ZNF407: variants seen among roughly 807,000 people sequenced by gnomAD.
The protein encoded by ZNF407 is zinc finger protein 407.
In ZNF407, 17 loss-of-function variants were observed where a neutral mutation model predicts 131.2. That is an observed-to-expected ratio of 0.13 (90% CI 0.09 to 0.19). The LOEUF is 0.19. ZNF407 is among the 10% of genes least tolerant of loss of function. ZNF407 has a pLI of 1.00. For synonymous variants in ZNF407, 1,156 were observed against 1,062.0 expected (o/e 1.09, Z -1.72); for missense variants, 2,681 against 2,830.6 (o/e 0.95, Z 1.20).
intron 8 of ZNF407, among the ~76,000 whole-genome samples, chr18:75,019,852 G>C (rs1973086620): frequency 6.6e-6 from 1 of 152,040 alleles, no homozygotes; most frequent in African/African-American, 2.4e-5. Flanking sequence ...AGGGGGAGGT[G>C]ATACACACTT....
intron 3 of ZNF407, among the ~76,000 whole-genome samples, chr18:74,755,582 G>GGTTTTTTTTTTTTTTTT (rs1968917546): frequency 1.1e-5 from 1 of 87,360 alleles, no homozygotes; most frequent in African/African-American, 5.7e-5. Context: ...CTCCTTTCTG[G>GGTTTTTTTTTTTTTTTT]TTTTTTTTTT....
chr18:74,656,269 T>G (rs778816711), intron 3 of ZNF407, among the ~76,000 whole-genome samples: 4 of 152,140 alleles, frequency 2.6e-5, no homozygotes, highest in Non-Finnish European at 5.9e-5. Flanking sequence ...ACTGATTTAT[T>G]TTTCTAAGAC....
intron 1 of ZNF407, among the ~76,000 whole-genome samples, chr18:74,623,202 CTG>C (rs538214406): frequency 2.0e-4 from 30 of 147,360 alleles, no homozygotes; most frequent in African/African-American, 5.7e-4. Context: ...GTCTGTATGT[CTG>C]TGAATATGTG....
At chr18:74,792,014 C>T (rs1376974648) in intron 4 of ZNF407, among the ~76,000 whole-genome samples, 10 of 152,156 alleles carry the variant, frequency 6.6e-5, no homozygotes, top group South Asian at 4.1e-4. Context: ...TGCCACTTAC[C>T]GAGTCACCCT....
intron 8 of ZNF407, among the ~76,000 whole-genome samples, chr18:74,959,146 C>T (rs1245286670): frequency 6.6e-6 from 1 of 152,200 alleles, no homozygotes; most frequent in Non-Finnish European, 1.5e-5. Context: ...AGTCTTAAGA[C>T]ACAGTGTTTA....
chr18:74,989,419 A>G (rs1006358894), intron 8 of ZNF407, among the ~76,000 whole-genome samples: 1 of 152,264 alleles, frequency 6.6e-6, no homozygotes, highest in Admixed American at 6.5e-5. Flanking sequence ...ACAATGTGCA[A>G]GCTACATGGG....
chr18:74,728,916 G>T (rs572980869), intron 3 of ZNF407, among the ~76,000 whole-genome samples: 2 of 152,120 alleles, frequency 1.3e-5, no homozygotes, highest in Non-Finnish European at 2.9e-5. Flanking sequence ...TGAGTGGTAC[G>T]GTTGTTTTTA....
At chr18:74,903,861 G>C (rs1568262895) in intron 7 of ZNF407, among the ~76,000 whole-genome samples, 1 of 152,160 alleles carries the variant, frequency 6.6e-6, no homozygotes, top group East Asian at 1.9e-4. Flanking sequence ...AATACTGCTT[G>C]ATGCTCAGAA....
At chr18:74,904,678 C>A (rs142670123) in intron 7 of ZNF407, among the ~76,000 whole-genome samples, 9 of 152,186 alleles carry the variant, frequency 5.9e-5, no homozygotes, top group African/African-American at 1.9e-4. Flanking sequence ...AAAGTCGGTG[C>A]CGCTTCTTAT....
intron 4 of ZNF407, among the ~76,000 whole-genome samples, chr18:74,787,072 G>A (rs1016900051): frequency 4.6e-5 from 7 of 152,014 alleles, no homozygotes; most frequent in Non-Finnish European, 1.0e-4. Flanking sequence ...CACCCAAAGT[G>A]CAGGGATTAC....
Position 74,835,629 on chromosome 18 carries a change from G to GGGGGT in ZNF407, c.4878-41567_4878-41566insGGGTG, listed in dbSNP as rs1269272236. On this transcript the variant is annotated intron_variant, in intron 4 of 8. Transcript: ENST00000299687. ...TGAGTTTGTGTCTTGGACAGAGGGG[G>GGGGGT]GTGTGTGTGTGTGTGTGTGTGTGTG... is the stretch of plus-strand genomic sequence containing the variant. Among the ~76,000 whole-genome samples, 3 of 92,200 alleles carry GGGGGT rather than the reference G, an allele frequency of 3.3e-5. No individual in the cohort carries two copies. In the East Asian group the frequency reaches 1.0e-3, roughly 31 times the overall value. The allele number at this position is 92,200 out of a possible 152,430, so 60.5% of individuals were successfully genotyped here. A position where few individuals can be genotyped will look rare whatever the true frequency, so the allele number is the denominator to read the frequency against.
At chr18:74,663,507 C>G (rs1376357072) in intron 3 of ZNF407, among the ~76,000 whole-genome samples, 2 of 152,134 alleles carry the variant, frequency 1.3e-5, no homozygotes, top group Non-Finnish European at 2.9e-5. Context: ...TATTTCAACT[C>G]AGAACATCAA....
At chr18:74,937,787 T>C (rs969943046) in intron 8 of ZNF407, among the ~76,000 whole-genome samples, 1 of 152,210 alleles carries the variant, frequency 6.6e-6, no homozygotes, top group Non-Finnish European at 1.5e-5. Flanking sequence ...AGGCAGGGGA[T>C]CAATTAGATC....
chr18:75,063,995 G>T lies in ZNF407; in HGVS notation c.6274G>T (p.Ala2092Ser), dbSNP rs1973676682. The T allele has an allele frequency of 6.2e-7, 1 of 1,611,290 alleles. No homozygotes were observed. Among genetic ancestry groups the T allele is most frequent in the Admixed American group, 1.7e-5 (1 of 59,686 alleles). The stretch of plus-strand genomic sequence containing the variant: ...CCTCCAGTTTGCTGTGTGTGACACG[G>T]CCGCGGCCGGCCAGTTGGTCAAGGA... ...GVLQFAVCDT[A>S]AAGQLVKDGV... The change falls in exon 9 of 9, where the codon GCC becomes TCC. Residue 2092 changes from alanine (A) to serine (S), a missense_variant. Ala to Ser is a moderately conservative substitution (Grantham distance 99). Transcript: ENST00000299687. This position sits in a 1 kb window ranked among gnomAD's most constrained non-coding sequence, Gnocchi z 6.6.
chr18:74,662,192 T>C lies in ZNF407; in HGVS notation c.4802+21070T>C, dbSNP rs569165496. ...TTCTGTTTGCTGCATGCTTCTCACATACGATTTTGTTGTTGTTAATGAATA... is the reference window on the plus strand; with the variant it reads ...TTCTGTTTGCTGCATGCTTCTCACACACGATTTTGTTGTTGTTAATGAATA... On this transcript the variant is annotated intron_variant, in intron 3 of 8. Coordinates refer to ENST00000299687, the MANE Select transcript of ZNF407 (RefSeq NM_017757.3). Among the ~76,000 whole-genome samples the C allele has an allele frequency of 1.9e-4, 29 of 152,310 alleles. No homozygotes were observed. In the East Asian group the frequency reaches 5.6e-3, roughly 29 times the overall value.
chr18:74,738,857 A>C (rs185422245), intron 3 of ZNF407, among the ~76,000 whole-genome samples: 136 of 152,342 alleles, frequency 8.9e-4, no homozygotes, highest in African/African-American at 3.0e-3. Flanking sequence ...AACCATTTTC[A>C]TATGTATCAT....
At chr18:74,877,648 T>C (rs1473295244) in intron 5 of ZNF407, among the ~76,000 whole-genome samples, 1 of 152,254 alleles carries the variant, frequency 6.6e-6, no homozygotes, top group Non-Finnish European at 1.5e-5. Context: ...TATATATATT[T>C]GTATGTGTTT....
At position 74,704,169 on chromosome 18, in the gene ZNF407, G is replaced by A. The variant is rs138271267; in HGVS notation, c.4802+63047G>A. Reference sequence around the variant, plus strand: ...TGTCAGCACTTCTGATTTTGTAAATGATGAAGCTCATCAGCTCCATTCCTC... The same window carrying A: ...TGTCAGCACTTCTGATTTTGTAAATAATGAAGCTCATCAGCTCCATTCCTC... On this transcript the variant is annotated intron_variant, in intron 3 of 8. Transcript: ENST00000299687. 7.6e-4 allele frequency among the ~76,000 whole-genome samples: 115 copies of A among 152,296 alleles called. 1 individual carries two copies. The East Asian group carries it at 0.017, about 23-fold the overall frequency.
chr18:74,684,908 C>A (rs1967062977), intron 3 of ZNF407, among the ~76,000 whole-genome samples: 1 of 151,988 alleles, frequency 6.6e-6, no homozygotes, highest in Non-Finnish European at 1.5e-5. Flanking sequence ...TGACTATAAA[C>A]CTACACTTTC....
Sources: gnomAD v4.1 joint callset for allele counts (sites outside exome capture counted in the v4.1 genomes callset) on GRCh38, gnomAD v4.1.1 for gene constraint, Gnocchi (gnomAD v3.1) non-coding constraint, MANE v1.5 for transcripts, NCBI Gene and HGNC (gene_info 2026-07-23, HGNC 2026-07-21) for gene names.